EPG5: variants seen among roughly 807,000 people sequenced by gnomAD.
The protein encoded by EPG5 is ectopic P-granules 5 autophagy tethering factor.
Under a neutral mutation model 302.7 loss-of-function variants are expected in EPG5, and 159 were observed. The ratio of observed to expected loss-of-function variants is 0.53; its 90% CI spans 0.46 to 0.60. The LOEUF is 0.60. Among genes scored for constraint, EPG5 ranks in the 20% least tolerant of loss-of-function variants. The probability of loss-of-function intolerance (pLI) is 0.00; values close to 1 mark genes in which losing one functional copy is unlikely to be tolerated. For synonymous variants in EPG5, 1,158 were observed against 1,136.8 expected, an observed-to-expected ratio of 1.02 and a Z score of -0.37; for missense variants, 2,896 against 3,092.4, an observed-to-expected ratio of 0.94 and a Z score of 1.51.
chr18:45,833,583 AATTACAGGCATGAGCCACCACGCCC>A, the EPG5 span, among the ~76,000 whole-genome samples: 1 of 152,264 alleles, frequency 6.6e-6, no homozygotes, highest in East Asian at 1.9e-4. Flanking sequence ...AAAGTGCTGG[AATTACAGGCATGAGCCACCACGCCC>A]GGCCTCTTGT....
intron 16 of EPG5, among the ~76,000 whole-genome samples, chr18:45,919,391 G>C (rs945846110): frequency 2.6e-5 from 4 of 152,110 alleles, no homozygotes; most frequent in African/African-American, 9.7e-5. Flanking sequence ...CAGTATCAGT[G>C]AATAAAGGGC....
downstream of EPG5, among the ~76,000 whole-genome samples, chr18:45,846,439 T>C (rs942287252): frequency 2.0e-5 from 3 of 147,050 alleles, no homozygotes; most frequent in Non-Finnish European, 3.0e-5. Context: ...AAAAATTGCT[T>C]GAACCCAGGA....
intron 1 of EPG5, among the ~76,000 whole-genome samples, chr18:45,964,205 A>G (rs1031768584): frequency 2.0e-5 from 3 of 152,262 alleles, no homozygotes; most frequent in South Asian, 2.1e-4. Flanking sequence ...TTTAAACAAA[A>G]TAAATTAAGA....
At chr18:45,917,225 T>C (rs541615979) in intron 17 of EPG5, among the ~76,000 whole-genome samples, 2 of 152,314 alleles carry the variant, frequency 1.3e-5, no homozygotes, top group South Asian at 2.1e-4. Context: ...CCCAGCCAGA[T>C]GCTTTACTCT....
At position 45,958,439 on chromosome 18, in the gene EPG5, A is replaced by G. The variant is rs146568265; in HGVS notation, c.64-3101T>C. On this transcript the variant is annotated intron_variant, in intron 1 of 43. Transcript: ENST00000282041. ...AATTCCAAAATCTACTACAAAGTAC[A>G]GTAATAAAGACAGTATAGTGTTGGC... Among the ~76,000 whole-genome samples, 797 of 151,332 alleles carry G rather than the reference A, an allele frequency of 5.3e-3. 5 individuals are homozygous for G. Among genetic ancestry groups the G allele is most frequent in the African/African-American group, 0.018 (742 of 40,800 alleles).
chr18:45,908,004 T>A lies in EPG5; in HGVS notation c.4283A>T (p.Lys1428Met). 6.2e-7 allele frequency: 1 copy of A among 1,601,694 alleles called. No individual in the cohort carries two copies. Among genetic ancestry groups the A allele is most frequent in the Non-Finnish European group, 8.5e-7 (1 of 1,176,478 alleles). The change falls in exon 24 of 44, where the codon AAG becomes ATG. Residue 1428 changes from lysine to methionine, a missense_variant. Physicochemically the swap from Lys to Met is moderately conservative, Grantham distance 95. Coordinates refer to ENST00000282041, the MANE Select transcript of EPG5 (RefSeq NM_020964.3). ...KGDTYIPSLP[K>M]HYDIHRLAKV... ...TGCTAGCCTGTGAATATCATAATGCTTTGGTAGAGAAGGGATATAGGTATC... is the reference window on the plus strand; with the variant it reads ...TGCTAGCCTGTGAATATCATAATGCATTGGTAGAGAAGGGATATAGGTATC...
chr18:45,815,545 C>CA, the EPG5 span, among the ~76,000 whole-genome samples: 2 of 151,988 alleles, frequency 1.3e-5, no homozygotes, highest in Non-Finnish European at 2.9e-5. Flanking sequence ...ACAATGGTTG[C>CA]AAAAAATAAA....
the EPG5 span, among the ~76,000 whole-genome samples, chr18:45,827,927 A>G: frequency 6.6e-6 from 1 of 152,214 alleles, no homozygotes. Context: ...TTCTCTGTTG[A>G]GATTACTGAG....
intron 16 of EPG5, among the ~76,000 whole-genome samples, chr18:45,921,469 G>A (rs1484975569): frequency 2.6e-5 from 4 of 152,176 alleles, no homozygotes; most frequent in Admixed American, 6.5e-5. Context: ...ATTATTTACT[G>A]CACCAGATAT....
chr18:45,922,343 G>T lies in EPG5; in HGVS notation c.3096C>A (p.His1032Gln). 1 of 1,614,188 alleles carries T rather than the reference G, an allele frequency of 6.2e-7. No individual in the cohort carries two copies. The highest frequency in any genetic ancestry group is 8.5e-7 in the Non-Finnish European group (1 of 1,180,022). Residue 1032 changes from histidine (H) to glutamine (Q), a missense_variant and splice_region_variant, in exon 16 of 44, where the codon CAC becomes CAA. By Grantham distance (24) the His-to-Gln change is conservative. This residue lies in a region of EPG5 where 1,390 missense variants were observed against 1,430.0 expected (regional missense o/e 0.97). Transcript: ENST00000282041. Reference protein sequence around the residue: ...YLALSMTAVGHSIEKFCAEGI... With the variant: ...YLALSMTAVGQSIEKFCAEGI... Reference sequence around the variant, plus strand: ...AGTGGTTCAGCCCAACACTGTACCTGTGGCCCACAGCTGTCATAGATAAGG... The same window carrying T: ...AGTGGTTCAGCCCAACACTGTACCTTTGGCCCACAGCTGTCATAGATAAGG...
At position 45,916,501 on chromosome 18, in the gene EPG5, C is replaced by T. The variant is rs780802376; in HGVS notation, c.3321G>A (p.Val1107=). Residue 1107 remains valine (V), a synonymous_variant, in exon 18 of 44, where the codon GTG becomes GTA. Coordinates refer to ENST00000282041, the MANE Select transcript of EPG5 (RefSeq NM_020964.3). The part of the protein sequence containing the change: ...QGVTQQVTHK[V]AQHLTGASHG... ...GGCTGGCTCCTGTCAGGTGCTGTGCCACCTTGTGGGTGACCTGTTGTGTGA... is the reference window on the plus strand; with the variant it reads ...GGCTGGCTCCTGTCAGGTGCTGTGCTACCTTGTGGGTGACCTGTTGTGTGA... 3 of 1,613,808 alleles carry T rather than the reference C, an allele frequency of 1.9e-6. No individual in the cohort carries two copies. The highest frequency in any genetic ancestry group is 2.5e-6 in the Non-Finnish European group (3 of 1,179,788).
intron 10 of EPG5, among the ~76,000 whole-genome samples, chr18:45,939,250 ACCTACTGCGT>A (rs2050607775): frequency 6.6e-6 from 1 of 152,202 alleles, no homozygotes; most frequent in Non-Finnish European, 1.5e-5. Flanking sequence ...CATGCTGCAC[ACCTACTGCGT>A]CTCACTGCAG....
intron 39 of EPG5, among the ~76,000 whole-genome samples, chr18:45,861,973 T>C (rs986515852): frequency 1.3e-5 from 2 of 152,232 alleles, no homozygotes; most frequent in Non-Finnish European, 2.9e-5. Context: ...TCTCTTTTGC[T>C]TCTTTTAGAT....
intron 30 of EPG5, 61 bp downstream of exon 30, chr18:45,884,553 AGAG>A (rs1238437482): frequency 3.1e-5 from 44 of 1,434,864 alleles, no homozygotes; most frequent in Middle Eastern, 2.0e-4. Flanking sequence ...TTATTTCTGT[AGAG>A]GAGGAAGCAA....
In EPG5 at chr18:45,967,193, C is replaced by CTGGCCT. The variant is rs769267797; in HGVS notation, c.41_46dup (p.Lys14_Ala15dup). 417 of 1,604,814 alleles carry CTGGCCT rather than the reference C, an allele frequency of 2.6e-4. 1 individual carries two copies. Among genetic ancestry groups the CTGGCCT allele is most frequent in the African/African-American group, 1.1e-3 (86 of 74,816 alleles). ...GATCCTCACCTTTGTTTTAGTCCGG[C>CTGGCCT]TGGCCTTGGCCTTGGCCCGGCGCTG... is the stretch of plus-strand genomic sequence containing the variant. On this transcript the variant is annotated inframe_insertion, in exon 1 of 44. Transcript: ENST00000282041.
the EPG5 span, among the ~76,000 whole-genome samples, chr18:45,804,943 G>A: frequency 6.6e-6 from 1 of 151,984 alleles, no homozygotes; most frequent in Non-Finnish European, 1.5e-5. Flanking sequence ...GGAATGCTGG[G>A]GGCAGGTATA....
chr18:45,810,632 T>G, the EPG5 span, among the ~76,000 whole-genome samples: 1 of 152,026 alleles, frequency 6.6e-6, no homozygotes, highest in African/African-American at 2.4e-5. Flanking sequence ...AATACAAAAA[T>G]TAGCCAGGCA....
chr18:45,840,073 C>A, the EPG5 span: 1 of 877,480 alleles, frequency 1.1e-6, no homozygotes, highest in Non-Finnish European at 1.8e-6. Flanking sequence ...CACAGCTTCA[C>A]ACCCTGCTAG....
the EPG5 span, among the ~76,000 whole-genome samples, chr18:45,815,039 T>C: frequency 3.9e-5 from 6 of 152,102 alleles, no homozygotes; most frequent in Admixed American, 2.6e-4. Flanking sequence ...CCCTCTGCTG[T>C]GTGCTGTAGT....
Sources: allele counts gnomAD v4.1 joint callset (sites outside exome capture counted in the v4.1 genomes callset), GRCh38; gene constraint gnomAD v4.1.1; regional missense constraint gnomAD v4.1.1; transcripts MANE v1.5; gene names NCBI Gene and HGNC (gene_info 2026-07-23, HGNC 2026-07-21).